PLXNA4: variants seen among roughly 807,000 people sequenced by gnomAD.
PLXNA4 encodes the protein plexin A4, also known as plexin-A4.
In PLXNA4, 44 loss-of-function variants were observed where a neutral mutation model predicts 191.8. The observed-to-expected ratio is 0.23, with a 90% CI of 0.18 to 0.29. PLXNA4 has a LOEUF of 0.29. Among genes scored for constraint, PLXNA4 ranks in the 10% least tolerant of loss-of-function variants. The pLI is 1.00. For missense variants in PLXNA4, 1,800 were observed against 2,488.8 expected (o/e 0.72, Z 5.89); for synonymous variants, 1,082 against 1,009.5 (o/e 1.07, Z -1.36).
chr7:132,442,059 G>A (rs1162615494), intron 3 of PLXNA4, among the ~76,000 whole-genome samples: 1 of 152,180 alleles, frequency 6.6e-6, no homozygotes, highest in Non-Finnish European at 1.5e-5. Context: ...TTCTGAGGCT[G>A]GAGAACCACG....
At chr7:132,457,941 T>C (rs1171451920) in intron 3 of PLXNA4, among the ~76,000 whole-genome samples, 3 of 152,226 alleles carry the variant, frequency 2.0e-5, no homozygotes, top group Non-Finnish European at 4.4e-5. Context: ...CACCTTGGTT[T>C]CAGGCCAGTG....
intron 3 of PLXNA4, among the ~76,000 whole-genome samples, chr7:132,390,638 G>A (rs563457639): frequency 5.3e-5 from 8 of 152,230 alleles, no homozygotes; most frequent in Non-Finnish European, 8.8e-5. Context: ...TTCTCTGTCT[G>A]GCAAAGCAAG....
At chr7:132,639,078 C>G (rs1262770283) in intron 2 of PLXNA4, among the ~76,000 whole-genome samples, 1 of 152,168 alleles carries the variant, frequency 6.6e-6, no homozygotes, top group African/African-American at 2.4e-5. Flanking sequence ...TGGGTTATAT[C>G]AAAGTTCACC....
chr7:132,424,052 G>A (rs1171585068), intron 3 of PLXNA4, among the ~76,000 whole-genome samples: 1 of 152,128 alleles, frequency 6.6e-6, no homozygotes, highest in African/African-American at 2.4e-5. Context: ...GGTCACCTGA[G>A]GCCCTTGATT....
At chr7:132,373,265 A>T (rs1804518046) in intron 3 of PLXNA4, among the ~76,000 whole-genome samples, 1 of 152,152 alleles carries the variant, frequency 6.6e-6, no homozygotes, top group Non-Finnish European at 1.5e-5. Flanking sequence ...CCCAGCAACC[A>T]GGGATGCCAA....
rs1794782677 is a variant in PLXNA4, at chr7:132,126,883, A to C, written c.*3596T>G. 1 of 152,198 alleles carries C rather than the reference A, an allele frequency of 6.6e-6. No homozygotes were observed. Among genetic ancestry groups the C allele is most frequent in the Non-Finnish European group, 1.5e-5 (1 of 68,042 alleles). The allele number at this position is 152,198 out of a possible 1,614,324, so 9.4% of individuals were successfully genotyped here. On this transcript the variant is annotated 3_prime_UTR_variant, in exon 32 of 32. Coordinates refer to ENST00000321063, the MANE Select transcript of PLXNA4 (RefSeq NM_020911.2). ...AATTTAAAACCATACTGAAAGAAGA[A>C]GGCAAGAAAATATTTTCCTGAGGAA...
intron 3 of PLXNA4, among the ~76,000 whole-genome samples, chr7:132,443,848 G>T (rs958151059): frequency 6.6e-6 from 1 of 152,176 alleles, no homozygotes; most frequent in African/African-American, 2.4e-5. Flanking sequence ...CAAAAAATGT[G>T]TGCTTCCATT....
At chr7:132,187,428 CCTTTCCCT>C (rs775590183) in intron 15 of PLXNA4, 35 bp downstream of exon 15, 15 of 1,593,928 alleles carry the variant, frequency 9.4e-6, no homozygotes, top group Non-Finnish European at 1.3e-5. Flanking sequence ...ACCTGTCTAA[CCTTTCCCT>C]CTCTGGTGCT....
chr7:132,249,308 G>A (rs1241847490), intron 4 of PLXNA4, among the ~76,000 whole-genome samples: 4 of 152,240 alleles, frequency 2.6e-5, no homozygotes, highest in African/African-American at 9.6e-5. Context: ...AGTAGCAGAT[G>A]TTGTGGAGGG....
rs1442867176 is a variant in PLXNA4, at chr7:132,451,753, G to A, written c.1371+37539C>T. On this transcript the variant is annotated intron_variant, in intron 3 of 31. Coordinates refer to ENST00000321063, the MANE Select transcript of PLXNA4 (RefSeq NM_020911.2). ...ACTCCAAAAAGAGAAGGCAGTGCCGGCCCCTGGAAGAGACCAAGCTCACAC... is the reference window on the plus strand; with the variant it reads ...ACTCCAAAAAGAGAAGGCAGTGCCGACCCCTGGAAGAGACCAAGCTCACAC... 3.9e-5 allele frequency among the ~76,000 whole-genome samples: 6 copies of A among 152,214 alleles called. No individual in the cohort carries two copies. In the East Asian group the frequency reaches 1.2e-3, roughly 29 times the overall value.
At chr7:132,309,257 A>T (rs948984910) in intron 3 of PLXNA4, among the ~76,000 whole-genome samples, 2 of 152,198 alleles carry the variant, frequency 1.3e-5, no homozygotes, top group Admixed American at 6.5e-5. Context: ...CAGGAGGGGA[A>T]GTGGAGAACC....
At chr7:132,225,579 G>A (rs1430129633) in intron 8 of PLXNA4, among the ~76,000 whole-genome samples, 1 of 151,424 alleles carries the variant, frequency 6.6e-6, no homozygotes, top group Non-Finnish European at 1.5e-5. Flanking sequence ...CAAAGCTCGA[G>A]TTGGAGTCAG....
At chr7:132,135,996 T>A (rs1795101328) in intron 30 of PLXNA4, among the ~76,000 whole-genome samples, 1 of 152,094 alleles carries the variant, frequency 6.6e-6, no homozygotes, top group Non-Finnish European at 1.5e-5. Flanking sequence ...TCTGTGGGTG[T>A]GGGGCTTAAG....
At chr7:132,336,489 C>A (rs1165380509) in intron 3 of PLXNA4, among the ~76,000 whole-genome samples, 1 of 152,128 alleles carries the variant, frequency 6.6e-6, no homozygotes, top group Non-Finnish European at 1.5e-5. Flanking sequence ...ATCTCAAAAC[C>A]CCACCTGCTT....
chr7:132,262,751 C>T (rs1374107013), intron 4 of PLXNA4, among the ~76,000 whole-genome samples: 1 of 152,166 alleles, frequency 6.6e-6, no homozygotes, highest in East Asian at 1.9e-4. Flanking sequence ...GGGAGCTCCT[C>T]TGCTGGCTTA....
intron 2 of PLXNA4, among the ~76,000 whole-genome samples, chr7:132,503,359 T>A (rs1346043334): frequency 3.9e-5 from 6 of 152,148 alleles, no homozygotes; most frequent in Non-Finnish European, 1.5e-5. Context: ...AGTTCGTTAG[T>A]GTTGGATGAG....
Position 132,352,778 on chromosome 7 carries a change from A to G in PLXNA4, c.1372-54556T>C, listed in dbSNP as rs561036760. On this transcript the variant is annotated intron_variant, in intron 3 of 31. Transcript: ENST00000321063. ...CTTTGAGAATTAATTGAGATAATACAGCTAAAGTGGTGAGTAGGAGGCTTA... is the reference window on the plus strand; with the variant it reads ...CTTTGAGAATTAATTGAGATAATACGGCTAAAGTGGTGAGTAGGAGGCTTA... Among the ~76,000 whole-genome samples the G allele has an allele frequency of 2.6e-5, 4 of 152,328 alleles. No homozygotes were observed. The South Asian group carries it at 6.2e-4, about 24-fold the overall frequency.
chr7:132,392,634 G>A (rs960277744), intron 3 of PLXNA4, among the ~76,000 whole-genome samples: 1 of 152,360 alleles, frequency 6.6e-6, no homozygotes, highest in African/African-American at 2.4e-5. Context: ...GAGGTGTGGC[G>A]CAGAGCTGAG....
chr7:132,637,495 T>G (rs1001604834), intron 2 of PLXNA4, among the ~76,000 whole-genome samples: 5 of 152,188 alleles, frequency 3.3e-5, no homozygotes, highest in Non-Finnish European at 7.3e-5. Flanking sequence ...TCACTGGAAG[T>G]GCTCTTTAAC....
Sources: gnomAD v4.1 joint callset for allele counts (sites outside exome capture counted in the v4.1 genomes callset) on GRCh38, gnomAD v4.1.1 for gene constraint, MANE v1.5 for transcripts, NCBI Gene and HGNC (gene_info 2026-07-23, HGNC 2026-07-21) for gene names.